The following DGKB variants were observed in gnomAD, a reference collection of about 807,000 sequenced individuals.
DGKB encodes diacylglycerol kinase beta.
In DGKB, 67 loss-of-function variants were observed where a neutral mutation model predicts 114.3. The ratio of observed to expected loss-of-function variants is 0.59; its 90% confidence interval spans 0.48 to 0.72. The LOEUF is 0.72. Ranked by LOEUF, DGKB falls within the 30% of genes least tolerant of loss-of-function variation. The pLI, the probability that DGKB is intolerant of heterozygous loss-of-function variation, is 0.00. For missense variants in DGKB, 907 were observed against 975.2 expected (o/e 0.93, Z 0.93); for synonymous variants, 398 against 323.1 (o/e 1.23, Z -2.49).
intron 13 of DGKB, among the ~76,000 whole-genome samples, chr7:14,667,027 C>A (rs1309110976): frequency 1.3e-5 from 2 of 151,886 alleles, no homozygotes; most frequent in Non-Finnish European, 2.9e-5. Flanking sequence ...ATTTTTATGG[C>A]AACAGCCATT....
In DGKB at chr7:14,312,050, G is replaced by A. The variant is rs187345576; in HGVS notation, c.2122+26465C>T. On this transcript the variant is annotated intron_variant, in intron 23 of 25. Coordinates refer to ENST00000402815, the MANE Select transcript of DGKB (RefSeq NM_001350709.2). ...GAAGCAGATTAACACAGCCTTCAGT[G>A]TGAGATATAAAGCCATCAAAATGAA... Among the ~76,000 whole-genome samples the A allele has an allele frequency of 5.6e-3, 852 of 152,080 alleles. 9 individuals carry two copies. Among genetic ancestry groups the A allele is most frequent in the Middle Eastern group, 6.8e-3 (2 of 292 alleles).
intron 23 of DGKB, among the ~76,000 whole-genome samples, chr7:14,178,551 G>A (rs1195751487): frequency 1.3e-5 from 2 of 152,126 alleles, no homozygotes; most frequent in East Asian, 3.9e-4. Context: ...TAAAATATGA[G>A]GATATGCTGT....
rs548748102 is a variant in DGKB, at chr7:14,299,079, C to T, written c.2122+39436G>A. 5.9e-5 allele frequency among the ~76,000 whole-genome samples: 9 copies of T among 152,084 alleles called. No individual in the cohort carries two copies. The East Asian group carries it at 1.5e-3, about 26-fold the overall frequency. ...AGAGGATGTCGAGAAATAGGAATGC[C>T]TTTACACTGTTGGTGGGAGTGTAAA... On this transcript the variant is annotated intron_variant, in intron 23 of 25. Transcript: ENST00000402815.
At chr7:14,234,651 C>T (rs185837385) in intron 23 of DGKB, among the ~76,000 whole-genome samples, 1 of 151,934 alleles carries the variant, frequency 6.6e-6, no homozygotes, top group East Asian at 1.9e-4. Context: ...ATTTTATCAC[C>T]CTATCCAGTT....
At chr7:14,352,501 T>A (rs1813659343) in intron 21 of DGKB, among the ~76,000 whole-genome samples, 1 of 58,424 alleles carries the variant, frequency 1.7e-5, no homozygotes, top group South Asian at 6.4e-4. Flanking sequence ...CATTGCAGAG[T>A]CATACAAAAA....
intron 1 of DGKB, among the ~76,000 whole-genome samples, chr7:14,865,375 C>A (rs1455322822): frequency 1.3e-5 from 2 of 152,160 alleles, no homozygotes; most frequent in Non-Finnish European, 2.9e-5. Context: ...TCTTGCCCTG[C>A]CTGCATGTGG....
chr7:14,330,012 C>A (rs762845392), intron 23 of DGKB, among the ~76,000 whole-genome samples: 12 of 151,944 alleles, frequency 7.9e-5, no homozygotes, highest in Non-Finnish European at 1.8e-4. Context: ...GATAATTTTA[C>A]CACTGATATC....
intron 20 of DGKB, among the ~76,000 whole-genome samples, chr7:14,538,639 C>T (rs1438741282): frequency 6.6e-6 from 1 of 152,036 alleles, no homozygotes; most frequent in East Asian, 1.9e-4. Flanking sequence ...GAATATGTAT[C>T]TGAAATAATG....
chr7:14,292,307 G>A (rs180702180), intron 23 of DGKB, among the ~76,000 whole-genome samples: 1 of 152,084 alleles, frequency 6.6e-6, no homozygotes, highest in East Asian at 1.9e-4. Flanking sequence ...GCAAAATGGC[G>A]CTGCATGGTC....
intron 16 of DGKB, among the ~76,000 whole-genome samples, chr7:14,612,915 G>A (rs1805828403): frequency 6.6e-6 from 1 of 152,068 alleles, no homozygotes; most frequent in Non-Finnish European, 1.5e-5. Context: ...ATGGCATCAT[G>A]TTCTCCAAAA....
intron 21 of DGKB, among the ~76,000 whole-genome samples, chr7:14,412,291 G>C (rs756677230): frequency 1.5e-4 from 23 of 152,302 alleles, no homozygotes; most frequent in Middle Eastern, 3.4e-3. Context: ...TGGGAAGCTA[G>C]ATGTTGTTAG....
At chr7:14,882,347 G>A in intron 1 of DGKB, among the ~76,000 whole-genome samples, 1 of 151,984 alleles carries the variant, frequency 6.6e-6, no homozygotes, top group East Asian at 1.9e-4. Flanking sequence ...GCTCACAATA[G>A]TAAAAGGAGA....
At chr7:14,358,726 C>A (rs1309047133) in intron 21 of DGKB, among the ~76,000 whole-genome samples, 1 of 152,016 alleles carries the variant, frequency 6.6e-6, no homozygotes, top group Non-Finnish European at 1.5e-5. Context: ...AATAAAATGC[C>A]TAGGAATCCA....
At chr7:14,361,299 A>T (rs1214201881) in intron 21 of DGKB, among the ~76,000 whole-genome samples, 1 of 152,084 alleles carries the variant, frequency 6.6e-6, no homozygotes, top group Non-Finnish European at 1.5e-5. Context: ...GTGGTTTTAC[A>T]TACACATTAA....
intron 20 of DGKB, among the ~76,000 whole-genome samples, chr7:14,521,746 T>C (rs1789803807): frequency 6.6e-6 from 1 of 152,162 alleles, no homozygotes; most frequent in African/African-American, 2.4e-5. Flanking sequence ...TGTTTTAACA[T>C]CTGGGAAAAT....
intron 23 of DGKB, among the ~76,000 whole-genome samples, chr7:14,334,304 G>A (rs1050766791): frequency 6.6e-6 from 1 of 151,090 alleles, no homozygotes; most frequent in African/African-American, 2.4e-5. Context: ...GTCCATTGCA[G>A]ATCTATAGAC....
At chr7:14,907,225 G>A (rs564758768), upstream of DGKB, among the ~76,000 whole-genome samples, 3 of 152,202 alleles carry the variant, frequency 2.0e-5, no homozygotes, top group Admixed American at 2.0e-4. Context: ...ATCTCTTTGG[G>A]TCCAATTCTC....
chr7:14,711,343 G>T (rs1051264496), intron 6 of DGKB, among the ~76,000 whole-genome samples: 4 of 151,914 alleles, frequency 2.6e-5, no homozygotes, highest in African/African-American at 9.7e-5. Context: ...CCAAGTCAAG[G>T]TCAAGGATAG....
chr7:14,969,998 T>C (rs1787364919), intron 1 of DGKB, among the ~76,000 whole-genome samples: 1 of 152,194 alleles, frequency 6.6e-6, no homozygotes, highest in African/African-American at 2.4e-5. Context: ...GACCTCCTTG[T>C]ACATGCAGTC....
Sources: allele counts gnomAD v4.1 joint callset (sites outside exome capture counted in the v4.1 genomes callset), GRCh38; gene constraint gnomAD v4.1.1; transcripts MANE v1.5; gene names NCBI Gene and HGNC (gene_info 2026-07-23, HGNC 2026-07-21).